The following UACA variants were observed in gnomAD, a reference collection of about 807,000 sequenced individuals.
UACA encodes nuclear membrane binding protein.
A neutral mutation model predicts 160.5 loss-of-function variants in UACA; 112 were observed. That is an observed-to-expected ratio of 0.70 (90% CI 0.60 to 0.82). UACA has a LOEUF of 0.82. Among genes scored for constraint, UACA ranks in the 40% least tolerant of loss-of-function variants. UACA has a pLI of 0.00. For missense variants in UACA, 1,574 were observed against 1,614.6 expected, an observed-to-expected ratio of 0.97 and a Z score of 0.43; for synonymous variants, 557 against 568.4, an observed-to-expected ratio of 0.98 and a Z score of 0.29.
chr15:70,724,919 C>CAA (rs747331527), intron 1 of UACA, among the ~76,000 whole-genome samples: 24 of 88,700 alleles, frequency 2.7e-4, no homozygotes, highest in African/African-American at 3.3e-4. Flanking sequence ...TCTGTCTCTA[C>CAA]AAAAAAAAAA....
intron 10 of UACA, among the ~76,000 whole-genome samples, chr15:70,679,033 C>A (rs990432863): frequency 1.3e-5 from 2 of 152,104 alleles, no homozygotes; most frequent in African/African-American, 4.8e-5. Context: ...ACTTTCTACA[C>A]CATACTTCTA....
At chr15:70,690,569 C>T in intron 4 of UACA, 58 bp from the exon 5 acceptor site, 1 of 1,359,442 alleles carries the variant, frequency 7.4e-7, no homozygotes, top group Non-Finnish European at 1.0e-6. Context: ...AATTAGATAT[C>T]CAGACTCAGA....
intron 1 of UACA, among the ~76,000 whole-genome samples, chr15:70,729,273 A>G (rs188465926): frequency 3.3e-5 from 5 of 152,294 alleles, no homozygotes; most frequent in African/African-American, 1.2e-4. Context: ...TAGCAAAAAC[A>G]TGGAAGCAAC....
At position 70,666,919 on chromosome 15, in the gene UACA, C is replaced by T. The variant is rs750331586; in HGVS notation, c.3765G>A (p.Glu1255=). Residue 1255 remains glutamate, a synonymous_variant, in exon 16 of 19, where the codon GAG becomes GAA. Coordinates refer to ENST00000322954, the MANE Select transcript of UACA (RefSeq NM_018003.4). ...EKLANLNRKY[E]EVCEEVLHAK... ...CATGCAAAACTTCCTCACATACTTC[C>T]TCATACTTTCTATTCAGATTGGCCA... The T allele has an allele frequency of 6.2e-7, 1 of 1,613,104 alleles. No individual in the cohort carries two copies. Among genetic ancestry groups the T allele is most frequent in the Non-Finnish European group, 8.5e-7 (1 of 1,179,824 alleles).
At chr15:70,716,598 G>C (rs1208503437) in intron 1 of UACA, among the ~76,000 whole-genome samples, 1 of 152,060 alleles carries the variant, frequency 6.6e-6, no homozygotes, top group East Asian at 1.9e-4. Flanking sequence ...ATAGATATAA[G>C]AGCAGCCAAA....
chr15:70,766,459 A>ATATT (rs985171761), upstream of UACA, among the ~76,000 whole-genome samples: 3 of 149,946 alleles, frequency 2.0e-5, no homozygotes, highest in Non-Finnish European at 4.4e-5. Flanking sequence ...TTTTTTTCCA[A>ATATT]TATTTATTTA....
At chr15:70,723,267 G>A (rs1214778657) in intron 1 of UACA, among the ~76,000 whole-genome samples, 2 of 152,236 alleles carry the variant, frequency 1.3e-5, no homozygotes, top group African/African-American at 2.4e-5. Flanking sequence ...GCCTAGAATG[G>A]AGGGTCGCTG....
chr15:70,740,794 C>A (rs896275436), intron 1 of UACA, among the ~76,000 whole-genome samples: 2 of 152,068 alleles, frequency 1.3e-5, no homozygotes, highest in African/African-American at 4.8e-5. Context: ...GTAATCCCAG[C>A]ACTTTAGGAG....
intron 1 of UACA, among the ~76,000 whole-genome samples, chr15:70,728,175 T>G (rs901340720): frequency 6.6e-6 from 1 of 152,182 alleles, no homozygotes; most frequent in Admixed American, 6.5e-5. Flanking sequence ...GCTAGCCATA[T>G]GTAGAAGAAT....
At chr15:70,701,850 G>A (rs1898374794) in intron 1 of UACA, 2 of 1,589,744 alleles carry the variant, frequency 1.3e-6, no homozygotes, top group Non-Finnish European at 8.6e-7. Context: ...AGAATCTTTT[G>A]TTACACTAGA....
the UACA span, among the ~76,000 whole-genome samples, chr15:70,776,356 C>CA: frequency 6.6e-6 from 1 of 151,802 alleles, no homozygotes. Flanking sequence ...TCATTGCCTC[C>CA]AAAGGACAGA....
intron 1 of UACA, 156 bp from the exon 2 acceptor site, chr15:70,699,816 C>T (rs1216070791): frequency 1.4e-5 from 10 of 738,326 alleles, no homozygotes; most frequent in African/African-American, 1.8e-5. Context: ...GTGCTAACTT[C>T]ATTAGGAGAG....
At chr15:70,760,870 G>A (rs1295654627) in intron 1 of UACA, among the ~76,000 whole-genome samples, 1 of 151,398 alleles carries the variant, frequency 6.6e-6, no homozygotes, top group African/African-American at 2.4e-5. Flanking sequence ...TATCAGGCTA[G>A]CAAAGGTCAA....
upstream of UACA, among the ~76,000 whole-genome samples, chr15:70,767,159 G>C (rs948470704): frequency 3.4e-5 from 5 of 146,814 alleles, no homozygotes; most frequent in Admixed American, 2.1e-4. Flanking sequence ...AGAATGGCGT[G>C]AACCTGGGAG....
intron 13 of UACA, 66 bp downstream of exon 13, chr15:70,676,427 G>T: frequency 8.8e-7 from 1 of 1,135,652 alleles, no homozygotes. Context: ...TCAAATTCAA[G>T]TCTGATGCCA....
intron 1 of UACA, among the ~76,000 whole-genome samples, chr15:70,716,614 AAAT>A (rs1293351757): frequency 2.6e-5 from 4 of 152,192 alleles, no homozygotes; most frequent in Admixed American, 6.5e-5. Context: ...CCAAATTGAG[AAAT>A]AATAGTTTAT....
intron 14 of UACA, 104 bp downstream of exon 14, chr15:70,671,861 A>G: frequency 1.1e-6 from 1 of 894,832 alleles, no homozygotes; most frequent in South Asian, 2.8e-5. Context: ...AGCAGCAGGA[A>G]TATCTTGTAC....
intron 17 of UACA, 144 bp from the exon 18 acceptor site, chr15:70,660,360 C>T: frequency 1.7e-6 from 1 of 579,388 alleles, no homozygotes; most frequent in Non-Finnish European, 3.0e-6. Context: ...CTTGGACCTA[C>T]CAGATGCAGA....
In UACA at chr15:70,674,532, T is replaced by C. The variant is rs1897247034; in HGVS notation, c.1131+1961A>G. Among the ~76,000 whole-genome samples, 3 of 152,076 alleles carry C rather than the reference T, an allele frequency of 2.0e-5. No individual in the cohort carries two copies. In the South Asian group the frequency reaches 6.2e-4, roughly 32 times the overall value. On this transcript the variant is annotated intron_variant, in intron 13 of 18. Transcript: ENST00000322954. Reference sequence around the variant, plus strand: ...TTTTATAAGAAAAATAAGTTACTTTTATGACTATTGTAAGTTATAGACTTG... The same window carrying C: ...TTTTATAAGAAAAATAAGTTACTTTCATGACTATTGTAAGTTATAGACTTG...
Sources: gnomAD v4.1 joint callset for allele counts (sites outside exome capture counted in the v4.1 genomes callset) on GRCh38, gnomAD v4.1.1 for gene constraint, MANE v1.5 for transcripts, NCBI Gene and HGNC (gene_info 2026-07-23, HGNC 2026-07-21) for gene names.